DNAH2: variants seen among roughly 807,000 people sequenced by gnomAD.
The protein encoded by DNAH2 is axonemal beta dynein heavy chain 2.
A neutral mutation model predicts 523.5 loss-of-function variants in DNAH2; 323 were observed. The observed-to-expected ratio is 0.62, with a 90% CI of 0.56 to 0.68. The LOEUF is 0.68. Ranked by LOEUF, DNAH2 falls within the 30% of genes least tolerant of loss-of-function variation. The probability of loss-of-function intolerance (pLI) is 0.00; values close to 1 mark genes in which losing one functional copy is unlikely to be tolerated. For synonymous variants in DNAH2, 2,093 were observed against 2,177.4 expected (o/e 0.96, Z 1.08); for missense variants, 4,907 against 5,701.5 (o/e 0.86, Z 4.49).
chr17:7,754,413 A>G lies in DNAH2; in HGVS notation c.1905-2678A>G, dbSNP rs2075777642. 4.7e-6 allele frequency: 3 copies of G among 642,480 alleles called. No homozygotes were observed. The highest frequency in any genetic ancestry group is 8.3e-6 in the Non-Finnish European group (3 of 360,784). 39.8% of individuals were successfully genotyped at this position (642,480 alleles called of 1,614,324 possible). A position where few individuals can be genotyped will look rare whatever the true frequency, so the allele number is the denominator to read the frequency against. Reference sequence around the variant, plus strand: ...GCAGACATGGCCAAGTCCACACCATACACCACCAGTCCCGAAAATGGCACA... The same window carrying G: ...GCAGACATGGCCAAGTCCACACCATGCACCACCAGTCCCGAAAATGGCACA... On this transcript the variant is annotated intron_variant, in intron 12 of 85. Transcript: ENST00000572933. This position sits in a 1 kb window ranked among gnomAD's most constrained non-coding sequence, Gnocchi z 4.6.
At chr17:7,791,272 T>C (rs1219597996) in intron 44 of DNAH2, among the ~76,000 whole-genome samples, 1 of 152,014 alleles carries the variant, frequency 6.6e-6, no homozygotes, top group Admixed American at 6.6e-5. Flanking sequence ...GGTTTCTCCA[T>C]GTTGGCCAGG....
rs372631936 is a variant in DNAH2, at chr17:7,759,903, G to A, written c.2750G>A (p.Arg917His). 2.5e-5 allele frequency: 41 copies of A among 1,614,064 alleles called. No individual in the cohort carries two copies. Among genetic ancestry groups the A allele is most frequent in the Middle Eastern group, 1.6e-4 (1 of 6,084 alleles). Reference sequence around the variant, plus strand: ...CACCTCCCTGACATTCTCACCAAGCGCAAGTTACATCGTGAACCCATCCAA... The same window carrying A: ...CACCTCCCTGACATTCTCACCAAGCACAAGTTACATCGTGAACCCATCCAA... ...FCHLPDILTK[R>H]KLHREPIQTV... is the part of the protein sequence containing the mutation. Residue 917 changes from arginine (R) to histidine (H), a missense_variant, in exon 17 of 86, where the codon CGC (arginine) becomes CAC (histidine). Coordinates refer to ENST00000572933, the MANE Select transcript of DNAH2 (RefSeq NM_020877.5).
intron 63 of DNAH2, among the ~76,000 whole-genome samples, chr17:7,810,679 G>A (rs146081383): frequency 1.1e-4 from 17 of 152,178 alleles, no homozygotes; most frequent in African/African-American, 1.9e-4. Flanking sequence ...GTGAGCCACC[G>A]CGCCTGCCCC....
rs2077703621 is a variant in DNAH2, at chr17:7,817,423, G to A, written c.10020+8G>A. ...CAAATCTGGATCGGGAAGGTGAGATGGGACTCAGGCATGACAAGTAGGCTC... is the reference window on the plus strand; with the variant it reads ...CAAATCTGGATCGGGAAGGTGAGATAGGACTCAGGCATGACAAGTAGGCTC... On this transcript the variant is annotated splice_region_variant and intron_variant, in intron 65 of 85. Coordinates refer to ENST00000572933, the MANE Select transcript of DNAH2 (RefSeq NM_020877.5). 2 of 1,613,960 alleles carry A rather than the reference G, an allele frequency of 1.2e-6. No homozygotes were observed. Among genetic ancestry groups the A allele is most frequent in the Non-Finnish European group, 1.7e-6 (2 of 1,180,008 alleles).
chr17:7,772,495 C>T (rs1043994551), intron 28 of DNAH2, among the ~76,000 whole-genome samples: 4 of 152,190 alleles, frequency 2.6e-5, no homozygotes, highest in Admixed American at 2.6e-4. Context: ...GGCTACTGAG[C>T]ATGCCTGTGA....
At chr17:7,725,425 AATATAT>A (rs71387992) in intron 3 of DNAH2, among the ~76,000 whole-genome samples, 1 of 124,960 alleles carries the variant, frequency 8.0e-6, no homozygotes, top group African/African-American at 3.1e-5. Context: ...ACTTCAAGTG[AATATAT>A]ATATATATAT....
intron 7 of DNAH2, 31 bp from the exon 8 acceptor site, chr17:7,737,036 A>G (rs903267432): frequency 2.5e-6 from 4 of 1,586,822 alleles, no homozygotes; most frequent in Non-Finnish European, 3.5e-6. Context: ...TCTAGTGCAT[A>G]AATCTATTTC....
At position 7,831,184 on chromosome 17, in the gene DNAH2, C is replaced by T; in HGVS notation, c.12329C>T (p.Ala4110Val). ...SLLPGMDPPEAFGQHPNADVA... is the reference protein window; with the variant it reads ...SLLPGMDPPEVFGQHPNADVA... Reference sequence around the variant, plus strand: ...TTGCCTGGCATGGACCCCCCTGAGGCCTTTGGCCAGCACCCCAATGCTGAT... The same window carrying T: ...TTGCCTGGCATGGACCCCCCTGAGGTCTTTGGCCAGCACCCCAATGCTGAT... Residue 4110 changes from alanine to valine, a missense_variant, in exon 80 of 86, where the codon GCC (alanine) becomes GTC (valine). By Grantham distance (64) the Ala-to-Val change is moderately conservative. Transcript: ENST00000572933. This position sits in a 1 kb window ranked among gnomAD's most constrained non-coding sequence, Gnocchi z 4.2. 1 of 1,614,152 alleles carries T rather than the reference C, an allele frequency of 6.2e-7. No homozygotes were observed. Among genetic ancestry groups the T allele is most frequent in the Non-Finnish European group, 8.5e-7 (1 of 1,180,028 alleles).
rs1466812413 is a variant in DNAH2, at chr17:7,807,050, C to T, written c.9443-100C>T. 3.5e-6 allele frequency: 5 copies of T among 1,437,020 alleles called. No individual in the cohort carries two copies. Among genetic ancestry groups the T allele is most frequent in the Non-Finnish European group, 4.7e-6 (5 of 1,065,064 alleles). 89.0% of individuals were successfully genotyped at this position (1,437,020 alleles called of 1,614,324 possible). A position where few individuals can be genotyped will look rare whatever the true frequency, so the allele number is the denominator to read the frequency against. ...ATAATTTGGCCTTAGGAACTGAGCC[C>T]AGGAAAAATGTGGCTATGCGTGAGT... On this transcript the variant is annotated intron_variant, in intron 61 of 85. Coordinates refer to ENST00000572933, the MANE Select transcript of DNAH2 (RefSeq NM_020877.5). This position sits in a 1 kb window ranked among gnomAD's most constrained non-coding sequence, Gnocchi z 5.6.
At chr17:7,825,330 C>T (rs544247017) in intron 77 of DNAH2, among the ~76,000 whole-genome samples, 4 of 152,316 alleles carry the variant, frequency 2.6e-5, no homozygotes, top group East Asian at 1.9e-4. Flanking sequence ...CTTTTCATTG[C>T]GCTTAGTTGA....
At chr17:7,824,379 C>T in intron 76 of DNAH2, 75 bp downstream of exon 76, 2 of 1,478,232 alleles carry the variant, frequency 1.4e-6, no homozygotes, top group Admixed American at 2.4e-5. Context: ...CTCAATTACA[C>T]TACTGTCCCT....
chr17:7,815,241 G>A (rs1343160400), intron 63 of DNAH2, among the ~76,000 whole-genome samples: 2 of 152,250 alleles, frequency 1.3e-5, no homozygotes, highest in African/African-American at 4.8e-5. Flanking sequence ...CTTACCTGCA[G>A]CCACCTTGGC....
rs770557224 is a variant in DNAH2, at chr17:7,758,882, T to C, written c.2209-3T>C. ...ACTCCCCCATGACGGGGCCTGACTC[T>C]AGGTGCAGATGATTGTGAATGAGTT... On this transcript the variant is annotated splice_polypyrimidine_tract_variant and splice_region_variant and intron_variant, in intron 14 of 85. Transcript: ENST00000572933. 6.2e-7 allele frequency: 1 copy of C among 1,613,738 alleles called. No individual in the cohort carries two copies. Among genetic ancestry groups the C allele is most frequent in the East Asian group, 2.2e-5 (1 of 44,870 alleles).
In DNAH2 at chr17:7,813,746, A is replaced by G. The variant is rs150295416; in HGVS notation, c.9730-2825A>G. 3.1e-3 allele frequency among the ~76,000 whole-genome samples: 476 copies of G among 152,192 alleles called. 1 individual carries two copies. The highest frequency in any genetic ancestry group is 4.7e-3 in the Non-Finnish European group (318 of 67,998). On this transcript the variant is annotated intron_variant, in intron 63 of 85. Transcript: ENST00000572933. ...AACATGTTGAAACACTGTCTCTACT[A>G]GAAATACAAAAATTAGCCAGGCATG...
At position 7,779,380 on chromosome 17, in the gene DNAH2, A is replaced by C. The variant is rs2076543463; in HGVS notation, c.5679A>C (p.Ile1893=). 1.4e-5 allele frequency: 22 copies of C among 1,613,986 alleles called. No individual in the cohort carries two copies. Among genetic ancestry groups the C allele is most frequent in the Non-Finnish European group, 1.9e-5 (22 of 1,179,982 alleles). Residue 1893 remains isoleucine (I), a synonymous_variant, in exon 36 of 86, where the codon ATA becomes ATC. Coordinates refer to ENST00000572933, the MANE Select transcript of DNAH2 (RefSeq NM_020877.5). The part of the protein sequence containing the change: ...LTHFHFDGFE[I]NLVWSCGIFI... ...ATTTCCATTTTGATGGCTTTGAAAT[A>C]AATCTGGTGTGGTCCTGTGGGATCT...
rs201157617 is a variant in DNAH2 at position 7,723,678 on chromosome 17, G to A, written c.217G>A (p.Glu73Lys). ...ACAGAGTGAAGAATCAGTGGAGCCC[G>A]AGGCAGATGTGGTAGGCTTGGGTCT... ...QAQSEESVEP[E>K]ADVKPLFLSR... The change falls in exon 3 of 86, where the codon GAG becomes AAG. Residue 73 changes from glutamate to lysine, a missense_variant. By Grantham distance (56) the Glu-to-Lys change is moderately conservative (BLOSUM62 1). This residue lies in a region of DNAH2 where 2,806 missense variants were observed against 3,190.8 expected (regional missense o/e 0.88). Transcript: ENST00000572933. 3.3e-5 allele frequency: 54 copies of A among 1,613,882 alleles called. No individual in the cohort carries two copies. The highest frequency in any genetic ancestry group is 5.5e-5 in the South Asian group (5 of 91,082).
At chr17:7,728,776 G>A (rs2074900766) in intron 4 of DNAH2, among the ~76,000 whole-genome samples, 1 of 152,128 alleles carries the variant, frequency 6.6e-6, no homozygotes, top group Admixed American at 6.5e-5. Context: ...CTTGAGCCTA[G>A]GAGTTCGAGA....
chr17:7,749,996 C>CA (rs1451829048), intron 12 of DNAH2, among the ~76,000 whole-genome samples: 1 of 151,814 alleles, frequency 6.6e-6, no homozygotes, highest in East Asian at 1.9e-4. Context: ...GACTCTGTCT[C>CA]AAAAAAAGAA....
chr17:7,832,862 G>A lies in DNAH2; in HGVS notation c.12912G>A (p.Val4304=). Residue 4304 remains valine, a synonymous_variant, in exon 84 of 86, where the codon GTG becomes GTA. Coordinates refer to ENST00000572933, the MANE Select transcript of DNAH2 (RefSeq NM_020877.5). This position sits in a 1 kb window ranked among gnomAD's most constrained non-coding sequence, Gnocchi z 4.3. ...TCACCTTCAACCCCCAGGTTTCAGT[G>A]GACAGCCTCTCCTGGGAGTTTATCG... ...QSSARQNNVS[V]DSLSWEFIVS... is the part of the protein sequence containing the mutation. 1 of 1,614,204 alleles carries A rather than the reference G, an allele frequency of 6.2e-7. No individual in the cohort carries two copies. The highest frequency in any genetic ancestry group is 8.5e-7 in the Non-Finnish European group (1 of 1,180,038).
Sources: gnomAD v4.1 joint callset for allele counts (sites outside exome capture counted in the v4.1 genomes callset) on GRCh38, gnomAD v4.1.1 for gene constraint, gnomAD v4.1.1 regional missense constraint, Gnocchi (gnomAD v3.1) non-coding constraint, MANE v1.5 for transcripts, NCBI Gene and HGNC (gene_info 2026-07-23, HGNC 2026-07-21) for gene names.